Variants in SLC24A2 observed in about 807,000 individuals in gnomAD.
SLC24A2 encodes solute carrier family 24 member 2, also known as sodium/potassium/calcium exchanger 2.
In SLC24A2, 36 loss-of-function variants were observed where a neutral mutation model predicts 62.0. That is an observed-to-expected ratio of 0.58 (90% CI 0.44 to 0.77). SLC24A2 has a LOEUF of 0.77. Among genes scored for constraint, SLC24A2 ranks in the 30% least tolerant of loss-of-function variants. The pLI is 0.00. For missense variants in SLC24A2, 846 were observed against 817.9 expected (o/e 1.03, Z -0.42); for synonymous variants, 358 against 294.0 (o/e 1.22, Z -2.23).
the SLC24A2 span, among the ~76,000 whole-genome samples, chr9:20,018,342 C>A: frequency 1.3e-5 from 2 of 152,182 alleles, no homozygotes; most frequent in Non-Finnish European, 2.9e-5. Flanking sequence ...CTCAATCTTT[C>A]TTCCTCTATC....
the SLC24A2 span, among the ~76,000 whole-genome samples, chr9:20,018,390 T>C: frequency 1.3e-5 from 2 of 152,206 alleles, no homozygotes; most frequent in African/African-American, 4.8e-5. Context: ...TTTGCATGTG[T>C]GTAGAGGAAT....
At chr9:20,292,633 T>A in the SLC24A2 span, among the ~76,000 whole-genome samples, 5 of 152,270 alleles carry the variant, frequency 3.3e-5, no homozygotes, top group East Asian at 9.6e-4. Flanking sequence ...TGGGATAGTA[T>A]CTCGTTCTGT....
chr9:19,793,014 G>C (rs888790046), upstream of SLC24A2, among the ~76,000 whole-genome samples: 2 of 152,136 alleles, frequency 1.3e-5, no homozygotes, highest in Non-Finnish European at 2.9e-5. Context: ...TCCCATTACT[G>C]TGAGCCCCGT....
chr9:20,009,643 C>G, the SLC24A2 span, among the ~76,000 whole-genome samples: 9 of 152,098 alleles, frequency 5.9e-5, no homozygotes, highest in African/African-American at 2.2e-4. Flanking sequence ...CAGTAATGAC[C>G]AGAGAAAGGA....
the SLC24A2 span, among the ~76,000 whole-genome samples, chr9:19,949,000 A>G: frequency 6.6e-6 from 1 of 151,598 alleles, no homozygotes; most frequent in Non-Finnish European, 1.5e-5. Flanking sequence ...TTATTTAATT[A>G]ATTTTATTTT....
the SLC24A2 span, among the ~76,000 whole-genome samples, chr9:20,181,482 C>T: frequency 2.0e-5 from 3 of 152,130 alleles, no homozygotes; most frequent in Admixed American, 2.0e-4. Flanking sequence ...AATAACACCA[C>T]ACATCTACAA....
the SLC24A2 span, among the ~76,000 whole-genome samples, chr9:20,066,145 G>T: frequency 2.0e-5 from 3 of 152,180 alleles, no homozygotes; most frequent in Non-Finnish European, 4.4e-5. Flanking sequence ...ATAAAGGGAG[G>T]AGGATCATTG....
the SLC24A2 span, among the ~76,000 whole-genome samples, chr9:20,158,023 G>C: frequency 6.6e-6 from 1 of 151,558 alleles, no homozygotes; most frequent in Non-Finnish European, 1.5e-5. Context: ...TACAGCAGAA[G>C]AAAACCATAA....
intron 2 of SLC24A2, among the ~76,000 whole-genome samples, chr9:19,627,996 G>T (rs1338884467): frequency 6.6e-6 from 1 of 152,142 alleles, no homozygotes; most frequent in Non-Finnish European, 1.5e-5. Context: ...CAAACTTTTA[G>T]AAATGAATTC....
In SLC24A2 at chr9:19,511,443, T is replaced by C. The variant is rs1230725340; in HGVS notation, c.*4710A>G. On this transcript the variant is annotated 3_prime_UTR_variant, in exon 11 of 11. Coordinates refer to ENST00000341998, the MANE Select transcript of SLC24A2 (RefSeq NM_020344.4). ...GTAATTGGCTAAACATAGCCTGATA[T>C]TTGTTACTGTTTTAAACTACATAGG... is the stretch of plus-strand genomic sequence containing the variant. 3.3e-5 allele frequency: 5 copies of C among 152,326 alleles called. No homozygotes were observed. The East Asian group carries it at 7.7e-4, about 23-fold the overall frequency. The allele number at this position is 152,326 out of a possible 1,614,324, so 9.4% of individuals were successfully genotyped here.
chr9:19,545,266 T>C (rs1834493398), intron 8 of SLC24A2, among the ~76,000 whole-genome samples: 2 of 152,034 alleles, frequency 1.3e-5, no homozygotes, highest in South Asian at 4.1e-4. Flanking sequence ...TGCTGTGTTT[T>C]TCAGCTCCAT....
chr9:20,096,478 T>C, the SLC24A2 span, among the ~76,000 whole-genome samples: 1 of 152,150 alleles, frequency 6.6e-6, no homozygotes, highest in Non-Finnish European at 1.5e-5. Context: ...TTTACTTTTC[T>C]GTATGTTTCA....
the SLC24A2 span, among the ~76,000 whole-genome samples, chr9:20,054,287 G>A: frequency 3.3e-5 from 5 of 152,024 alleles, no homozygotes; most frequent in Admixed American, 1.3e-4. Flanking sequence ...TGCCTCCTGG[G>A]TTCAAGTGAT....
At chr9:19,677,429 A>T (rs1004564698) in intron 2 of SLC24A2, among the ~76,000 whole-genome samples, 8 of 152,220 alleles carry the variant, frequency 5.3e-5, no homozygotes, top group African/African-American at 1.9e-4. Flanking sequence ...GGGGTCTATC[A>T]GACGGTGGAG....
At chr9:19,615,465 A>G (rs1005077275) in intron 4 of SLC24A2, among the ~76,000 whole-genome samples, 7 of 152,318 alleles carry the variant, frequency 4.6e-5, no homozygotes, top group Admixed American at 1.3e-4. Context: ...AGAGATGACT[A>G]TTTCTGAGAG....
At chr9:20,040,476 A>G in the SLC24A2 span, among the ~76,000 whole-genome samples, 1 of 152,232 alleles carries the variant, frequency 6.6e-6, no homozygotes, top group Non-Finnish European at 1.5e-5. Flanking sequence ...GCTTACAGCA[A>G]GATACCAGAG....
chr9:19,636,336 TTTC>T (rs1818340884), intron 2 of SLC24A2, among the ~76,000 whole-genome samples: 8 of 33,520 alleles, frequency 2.4e-4, no homozygotes, highest in South Asian at 1.2e-3. Context: ...TCTTTCTTTC[TTTC>T]TTTCTTTCTT....
At chr9:19,907,724 C>G in the SLC24A2 span, among the ~76,000 whole-genome samples, 1 of 152,196 alleles carries the variant, frequency 6.6e-6, no homozygotes, top group Non-Finnish European at 1.5e-5. Flanking sequence ...TGAGTGAACT[C>G]TCATTCACAA....
chr9:19,554,652 G>A (rs1834994277), intron 7 of SLC24A2, among the ~76,000 whole-genome samples: 1 of 152,234 alleles, frequency 6.6e-6, no homozygotes, highest in Non-Finnish European at 1.5e-5. Flanking sequence ...TGTATTGGAA[G>A]TGTCCTTCAT....
Sources: gnomAD v4.1 joint callset for allele counts (sites outside exome capture counted in the v4.1 genomes callset) on GRCh38, gnomAD v4.1.1 for gene constraint, MANE v1.5 for transcripts, NCBI Gene and HGNC (gene_info 2026-07-23, HGNC 2026-07-21) for gene names.